The following PDE7B variants were observed in gnomAD, a reference collection of about 807,000 sequenced individuals.
The protein encoded by PDE7B is phosphodiesterase 7B, also known as 3',5'-cyclic-AMP phosphodiesterase 7B.
Under a neutral mutation model 56.2 loss-of-function variants are expected in PDE7B, and 29 were observed. That is an observed-to-expected ratio of 0.52 (90% CI 0.38 to 0.70). The LOEUF (loss-of-function observed/expected upper bound fraction) is 0.70. Ranked by LOEUF, PDE7B falls within the 30% of genes least tolerant of loss-of-function variation. PDE7B has a pLI of 0.00. For synonymous variants in PDE7B, 197 were observed against 196.9 expected (o/e 1.00, Z 0.00); for missense variants, 490 against 565.0 (o/e 0.87, Z 1.35).
rs557431568 is a variant in PDE7B at position 135,946,145 on chromosome 6, T to C, written c.22-1319T>C. ...CAGATATTTTCAACTTCATAAAATA[T>C]GGACAATTGTTTTTGGCTTAACATT... On this transcript the variant is annotated intron_variant, in intron 1 of 12. Transcript: ENST00000308191. 4.6e-3 allele frequency among the ~76,000 whole-genome samples: 694 copies of C among 152,104 alleles called. 11 individuals are homozygous for C. Among genetic ancestry groups the C allele is most frequent in the African/African-American group, 0.015 (628 of 41,548 alleles).
chr6:135,976,436 C>G (rs1775189165), intron 2 of PDE7B, among the ~76,000 whole-genome samples: 1 of 152,078 alleles, frequency 6.6e-6, no homozygotes, highest in Admixed American at 6.6e-5. Context: ...ACACCTCTAC[C>G]TGGGGAAGGG....
chr6:136,037,708 G>T (rs1038778468), intron 2 of PDE7B: 28 of 985,130 alleles, frequency 2.8e-5, no homozygotes, highest in Non-Finnish European at 3.1e-5. Flanking sequence ...CCTCCAGCAA[G>T]GGGGGAGCCC....
chr6:136,192,954 A>T lies in PDE7B; in HGVS notation c.*1114A>T, dbSNP rs1779253346. ...AAGTCTTTGAGGAAACATTTTGGAAACTTCACATGCATTCCGCTTGAGACC... is the reference window on the plus strand; with the variant it reads ...AAGTCTTTGAGGAAACATTTTGGAATCTTCACATGCATTCCGCTTGAGACC... On this transcript the variant is annotated 3_prime_UTR_variant, in exon 13 of 13. Transcript: ENST00000308191. 6.6e-6 allele frequency: 1 copy of T among 152,260 alleles called. No individual in the cohort carries two copies. The highest frequency in any genetic ancestry group is 6.5e-5 in the Admixed American group (1 of 15,282). The allele number at this position is 152,260 out of a possible 1,614,324, so 9.4% of individuals were successfully genotyped here.
At chr6:136,058,924 C>T (rs1383288577) in intron 2 of PDE7B, among the ~76,000 whole-genome samples, 1 of 151,982 alleles carries the variant, frequency 6.6e-6, no homozygotes, top group Non-Finnish European at 1.5e-5. Flanking sequence ...AGAAAGTAAG[C>T]CTTTTAGGTT....
intron 3 of PDE7B, among the ~76,000 whole-genome samples, chr6:136,133,453 A>T (rs1340124980): frequency 6.6e-6 from 1 of 152,150 alleles, no homozygotes; most frequent in Non-Finnish European, 1.5e-5. Flanking sequence ...TCTTCTACAC[A>T]GGGGATCATC....
intron 9 of PDE7B, among the ~76,000 whole-genome samples, chr6:136,176,290 A>C (rs1778975652): frequency 6.6e-6 from 1 of 152,082 alleles, no homozygotes; most frequent in Admixed American, 6.6e-5. Flanking sequence ...AAATTCAGTA[A>C]GTATTCATAT....
chr6:136,000,318 T>G (rs2128206028), intron 2 of PDE7B, among the ~76,000 whole-genome samples: 1 of 152,334 alleles, frequency 6.6e-6, no homozygotes, highest in South Asian at 2.1e-4. Flanking sequence ...TCATGAAAAC[T>G]TTGCCCATTC....
chr6:136,118,587 C>T (rs1777876761), intron 3 of PDE7B, among the ~76,000 whole-genome samples: 1 of 152,184 alleles, frequency 6.6e-6, no homozygotes, highest in Non-Finnish European at 1.5e-5. Context: ...CAAGGTCACC[C>T]AGCTTGTAAG....
In PDE7B at chr6:136,141,280, G is replaced by A. The variant is rs187916538; in HGVS notation, c.167-6071G>A. 8.0e-3 allele frequency among the ~76,000 whole-genome samples: 1,222 copies of A among 152,160 alleles called. 10 individuals are homozygous for A. Among genetic ancestry groups the A allele is most frequent in the East Asian group, 0.014 (73 of 5,178 alleles). On this transcript the variant is annotated intron_variant, in intron 3 of 12. Transcript: ENST00000308191. The stretch of plus-strand genomic sequence containing the variant: ...TGCTGGATTACCTTTATTGATTTGC[G>A]TATGTTGAACCAGCCTTGCATCCCA...
intron 9 of PDE7B, among the ~76,000 whole-genome samples, chr6:136,178,598 A>G (rs958742701): frequency 1.6e-4 from 24 of 151,962 alleles, no homozygotes; most frequent in African/African-American, 5.3e-4. Flanking sequence ...TTTTATTACT[A>G]TTGTTATGCC....
At chr6:136,149,196 G>A (rs766438804) in intron 5 of PDE7B, 46 bp downstream of exon 5, 19 of 1,263,340 alleles carry the variant, frequency 1.5e-5, no homozygotes, top group South Asian at 4.9e-5. Flanking sequence ...ACCATAAAGT[G>A]GGATTAATTT....
At chr6:135,857,104 T>A (rs891211775) in intron 1 of PDE7B, among the ~76,000 whole-genome samples, 1 of 147,998 alleles carries the variant, frequency 6.8e-6, no homozygotes, top group Non-Finnish European at 1.5e-5. Flanking sequence ...CTTTCCTCTC[T>A]CTCTTTCTCT....
intron 8 of PDE7B, among the ~76,000 whole-genome samples, chr6:136,170,352 T>C (rs1241102242): frequency 6.6e-6 from 1 of 152,150 alleles, no homozygotes; most frequent in African/African-American, 2.4e-5. Flanking sequence ...AATTCAGTGG[T>C]ATTAAGCACA....
chr6:136,137,001 C>T (rs1023251532), intron 3 of PDE7B, among the ~76,000 whole-genome samples: 3 of 151,936 alleles, frequency 2.0e-5, no homozygotes, highest in Non-Finnish European at 4.4e-5. Flanking sequence ...GATTATTATA[C>T]ACTAGATACC....
chr6:135,956,775 C>T (rs540373874), intron 2 of PDE7B, among the ~76,000 whole-genome samples: 5 of 150,006 alleles, frequency 3.3e-5, no homozygotes, highest in African/African-American at 9.8e-5. Context: ...GAGCAAGACC[C>T]TCTCAAAAAG....
rs150548717 is a variant in PDE7B at position 135,940,673 on chromosome 6, A to G, written c.22-6791A>G. On this transcript the variant is annotated intron_variant, in intron 1 of 12. Coordinates refer to ENST00000308191, the MANE Select transcript of PDE7B (RefSeq NM_018945.4). ...GTTCTTGGTTGGGGAAAAGTGTGAGATGAGAAGTGACCCAGATGTTTGGAA... is the reference window on the plus strand; with the variant it reads ...GTTCTTGGTTGGGGAAAAGTGTGAGGTGAGAAGTGACCCAGATGTTTGGAA... Among the ~76,000 whole-genome samples, 22 of 152,288 alleles carry G rather than the reference A, an allele frequency of 1.4e-4. No homozygotes were observed. The East Asian group carries it at 4.2e-3, about 29-fold the overall frequency.
intron 2 of PDE7B, among the ~76,000 whole-genome samples, chr6:135,979,532 T>C (rs1416692054): frequency 6.6e-6 from 1 of 152,068 alleles, no homozygotes; most frequent in Admixed American, 6.5e-5. Context: ...TGGTAAGCTA[T>C]TGATTATTGC....
intron 10 of PDE7B, among the ~76,000 whole-genome samples, 192 bp downstream of exon 10, chr6:136,179,333 C>G (rs1192921089): frequency 3.3e-5 from 5 of 152,108 alleles, no homozygotes; most frequent in Middle Eastern, 3.4e-3. Flanking sequence ...AGAGTGAGAT[C>G]CTGTCTCTAA....
intron 2 of PDE7B, among the ~76,000 whole-genome samples, chr6:135,970,850 A>T (rs1775083312): frequency 6.6e-6 from 1 of 152,140 alleles, no homozygotes; most frequent in Admixed American, 6.6e-5. Context: ...AATATTTTGA[A>T]GGTAGAGCTG....
Sources: gnomAD v4.1 joint callset for allele counts (sites outside exome capture counted in the v4.1 genomes callset) on GRCh38, gnomAD v4.1.1 for gene constraint, MANE v1.5 for transcripts, NCBI Gene and HGNC (gene_info 2026-07-23, HGNC 2026-07-21) for gene names.